Variants in ZKSCAN8 observed in about 807,000 individuals in gnomAD.
ZKSCAN8 encodes zinc finger with KRAB and SCAN domains 8.
In ZKSCAN8, 27 loss-of-function variants were observed where a neutral mutation model predicts 57.2. The ratio of observed to expected loss-of-function variants is 0.47; its 90% CI spans 0.35 to 0.65. The LOEUF (loss-of-function observed/expected upper bound fraction) is 0.65. ZKSCAN8 is among the 30% of genes least tolerant of loss of function. The probability of loss-of-function intolerance (pLI) is 0.01; values close to 1 mark genes in which losing one functional copy is unlikely to be tolerated. For missense variants in ZKSCAN8, 597 were observed against 696.3 expected (o/e 0.86, Z 1.60); for synonymous variants, 214 against 248.7 (o/e 0.86, Z 1.31).
At chr6:28,149,352 A>G in intron 2 of ZKSCAN8, 131 bp from the exon 3 acceptor site, 1 of 1,206,604 alleles carries the variant, frequency 8.3e-7, no homozygotes, top group Non-Finnish European at 1.2e-6. Flanking sequence ...TACTGTCCCT[A>G]AGAAGTGAGG....
In ZKSCAN8 at chr6:28,153,568, GGA is replaced by G. The variant is rs778225113; in HGVS notation, c.1295_1296del (p.Arg432ThrfsTer3). 1 of 1,613,720 alleles carries G rather than the reference GGA, an allele frequency of 6.2e-7. No individual in the cohort carries two copies. On this transcript the variant is annotated frameshift_variant, in exon 6 of 6. Transcript: ENST00000330236. LOFTEE classifies it high-confidence loss of function. ...TATTCTGCACCAGAGAATCCACAGT[GGA>G]GAGAGACCCTATGAATGTAATGAGT... ...GLILHQRIHS[G>X]ERPYECNECG...
chr6:28,145,040 G>T (rs1426517141), intron 1 of ZKSCAN8, among the ~76,000 whole-genome samples: 2 of 152,090 alleles, frequency 1.3e-5, no homozygotes, highest in African/African-American at 2.4e-5. Flanking sequence ...CTGGGCGACA[G>T]AGCAAGACTC....
rs1765416315 is a variant in ZKSCAN8 at position 28,146,906 on chromosome 6, C to G, written c.-92-1410C>G. Among the ~76,000 whole-genome samples, 3 of 152,004 alleles carry G rather than the reference C, an allele frequency of 2.0e-5. No individual in the cohort carries two copies. In the South Asian group the frequency reaches 6.2e-4, roughly 32 times the overall value. On this transcript the variant is annotated intron_variant, in intron 1 of 5. Coordinates refer to ENST00000330236, the MANE Select transcript of ZKSCAN8 (RefSeq NM_006298.4). ...TGAACCTCCATCCATACCTCAAATTCTATATAAAAATTAACTCAAAATGGA... is the reference window on the plus strand; with the variant it reads ...TGAACCTCCATCCATACCTCAAATTGTATATAAAAATTAACTCAAAATGGA...
chr6:28,148,558 C>T lies in ZKSCAN8; in HGVS notation c.151C>T (p.Arg51Cys), dbSNP rs562088137. Residue 51 changes from arginine to cysteine, a missense_variant, in exon 2 of 6, where the codon CGC (arginine) becomes TGC (cysteine). By Grantham distance (180) the Arg-to-Cys change is radical. Coordinates refer to ENST00000330236, the MANE Select transcript of ZKSCAN8 (RefSeq NM_006298.4). The stretch of plus-strand genomic sequence containing the variant: ...TAACCCTCTTGGCCAAGAAGTGTTC[C>T]GCCTGCGCTTCAGGCAGTTACGCTA... ...ESNPLGQEVF[R>C]LRFRQLRYQE... The T allele has an allele frequency of 6.2e-6, 10 of 1,614,066 alleles. No homozygotes were observed. Among genetic ancestry groups the T allele is most frequent in the African/African-American group, 2.7e-5 (2 of 75,008 alleles).
At chr6:28,141,678 C>T (rs1004799648), upstream of ZKSCAN8, among the ~76,000 whole-genome samples, 10 of 152,224 alleles carry the variant, frequency 6.6e-5, no homozygotes, top group Non-Finnish European at 1.0e-4. Flanking sequence ...CACCAAGGTC[C>T]GTTATTCCCC....
At chr6:28,149,958 T>C (rs188440904) in intron 3 of ZKSCAN8, among the ~76,000 whole-genome samples, 2 of 152,290 alleles carry the variant, frequency 1.3e-5, no homozygotes, top group Non-Finnish European at 2.9e-5. Context: ...ACAACATACA[T>C]TTTTGAGGTT....
intron 3 of ZKSCAN8, among the ~76,000 whole-genome samples, chr6:28,151,536 A>T (rs1443408694): frequency 6.6e-6 from 1 of 152,212 alleles, no homozygotes; most frequent in Non-Finnish European, 1.5e-5. Context: ...GAAATACTGT[A>T]TACAGCCACA....
intron 3 of ZKSCAN8, among the ~76,000 whole-genome samples, chr6:28,151,025 C>T (rs1347269902): frequency 6.6e-6 from 1 of 152,038 alleles, no homozygotes; most frequent in African/African-American, 2.4e-5. Flanking sequence ...AGGCTGGTCT[C>T]GAACTCCTAG....
At position 28,154,027 on chromosome 6, in the gene ZKSCAN8, CAGTT is replaced by C. The variant is rs1185717368; in HGVS notation, c.*13_*16del. ...ATCCATAAGCGTTTAGGAACAACAT[CAGTT>C]AGAGTTTGAGCATTATTCAGCATTA... On this transcript the variant is annotated 3_prime_UTR_variant, in exon 6 of 6. Transcript: ENST00000330236. The C allele has an allele frequency of 1.3e-6, 2 of 1,574,590 alleles. No homozygotes were observed. Among genetic ancestry groups the C allele is most frequent in the Non-Finnish European group, 1.7e-6 (2 of 1,163,474 alleles).
chr6:28,148,264 A>T, intron 1 of ZKSCAN8, 52 bp from the exon 2 acceptor site: 1 of 805,322 alleles, frequency 1.2e-6, no homozygotes, highest in Non-Finnish European at 1.9e-6. Flanking sequence ...TACCATAGTT[A>T]GTTACAATGA....
rs767534634 is a variant in ZKSCAN8, at chr6:28,148,456, A to G, written c.49A>G (p.Thr17Ala). The G allele has an allele frequency of 3.1e-6, 5 of 1,613,830 alleles. No individual in the cohort carries two copies. Among genetic ancestry groups the G allele is most frequent in the Admixed American group, 3.3e-5 (2 of 59,980 alleles). The change falls in exon 2 of 6, where the codon ACT (threonine) becomes GCT (alanine). Residue 17 changes from threonine to alanine, a missense_variant. Transcript: ENST00000330236. ...KPSAPSPPDQTPEEDLVIVKV... is the reference protein window; with the variant it reads ...KPSAPSPPDQAPEEDLVIVKV... ...TTCAGCCCCATCCCCACCAGACCAGACTCCTGAAGAGGATCTTGTAATCGT... is the reference window on the plus strand; with the variant it reads ...TTCAGCCCCATCCCCACCAGACCAGGCTCCTGAAGAGGATCTTGTAATCGT...
intron 1 of ZKSCAN8, among the ~76,000 whole-genome samples, chr6:28,146,679 G>A (rs1188735804): frequency 1.3e-5 from 2 of 152,132 alleles, no homozygotes; most frequent in Non-Finnish European, 2.9e-5. Flanking sequence ...GAACAACAAA[G>A]TTGCAAGACC....
Position 28,159,026 on chromosome 6 carries a change from A to C in ZKSCAN8, c.*5009A>C, listed in dbSNP as rs1765875322. 1 of 152,190 alleles carries C rather than the reference A, an allele frequency of 6.6e-6. No individual in the cohort carries two copies. 9.4% of individuals were successfully genotyped at this position (152,190 alleles called of 1,614,324 possible). ...TATTCACCTTGATTCAACAGATTCA[A>C]ACTTCCTACAGCCTTCTACTGATGT... On this transcript the variant is annotated 3_prime_UTR_variant, in exon 6 of 6. Coordinates refer to ENST00000330236, the MANE Select transcript of ZKSCAN8 (RefSeq NM_006298.4).
intron 1 of ZKSCAN8, among the ~76,000 whole-genome samples, chr6:28,143,768 C>T (rs1165275435): frequency 6.6e-6 from 1 of 152,030 alleles, no homozygotes; most frequent in Non-Finnish European, 1.5e-5. Context: ...AAGTTTTTAA[C>T]ATTAAACCAT....
Position 28,155,846 on chromosome 6 carries a change from C to T in ZKSCAN8, c.*1829C>T, listed in dbSNP as rs1581531722. On this transcript the variant is annotated 3_prime_UTR_variant, in exon 6 of 6. Coordinates refer to ENST00000330236, the MANE Select transcript of ZKSCAN8 (RefSeq NM_006298.4). ...ACATCAGAATTATCTACATCAATTT[C>T]ATTGAGCCATTGGTGAATGAAGACA... The T allele has an allele frequency of 3.5e-6, 1 of 285,380 alleles. No individual in the cohort carries two copies. The highest frequency in any genetic ancestry group is 6.5e-6 in the Non-Finnish European group (1 of 154,888). 17.7% of individuals were successfully genotyped at this position (285,380 alleles called of 1,614,324 possible).
In ZKSCAN8 at chr6:28,147,582, T is replaced by C. The variant is rs187048073; in HGVS notation, c.-92-734T>C. ...TTAAAAAACAAAAACAACTCAGATA[T>C]TGTTCAACTGGGAAATGGATAAACA... is the stretch of plus-strand genomic sequence containing the variant. On this transcript the variant is annotated intron_variant, in intron 1 of 5. Coordinates refer to ENST00000330236, the MANE Select transcript of ZKSCAN8 (RefSeq NM_006298.4). 9.8e-5 allele frequency among the ~76,000 whole-genome samples: 15 copies of C among 152,368 alleles called. No homozygotes were observed. In the East Asian group the frequency reaches 2.7e-3, roughly 27 times the overall value.
chr6:28,143,275 TC>T (rs1765276531), intron 1 of ZKSCAN8, among the ~76,000 whole-genome samples: 1 of 152,090 alleles, frequency 6.6e-6, no homozygotes, highest in African/African-American at 2.4e-5. Flanking sequence ...AACCAGCTGA[TC>T]AGAGAGGGAA....
In ZKSCAN8 at chr6:28,148,484, A is replaced by C. The variant is rs755509173; in HGVS notation, c.77A>C (p.Lys26Thr). The C allele has an allele frequency of 5.7e-5, 92 of 1,614,090 alleles. No individual in the cohort carries two copies. Among genetic ancestry groups the C allele is most frequent in the Non-Finnish European group, 7.4e-5 (87 of 1,180,038 alleles). Residue 26 changes from lysine (K) to threonine (T), a missense_variant, in exon 2 of 6, where the codon AAG becomes ACG. Physicochemically the swap from Lys to Thr is moderately conservative, Grantham distance 78. Coordinates refer to ENST00000330236, the MANE Select transcript of ZKSCAN8 (RefSeq NM_006298.4). ...CCTGAAGAGGATCTTGTAATCGTCA[A>C]GGTAGAGGAGGATCATGGTTGGGAC... Reference protein sequence around the residue: ...QTPEEDLVIVKVEEDHGWDQE... With the variant: ...QTPEEDLVIVTVEEDHGWDQE...
intron 3 of ZKSCAN8, among the ~76,000 whole-genome samples, chr6:28,150,618 G>T (rs1765561372): frequency 6.6e-6 from 1 of 152,124 alleles, no homozygotes; most frequent in Non-Finnish European, 1.5e-5. Context: ...GTGTTCATTG[G>T]TACTTCTTGA....
Sources: allele counts gnomAD v4.1 joint callset (sites outside exome capture counted in the v4.1 genomes callset), GRCh38; gene constraint gnomAD v4.1.1; transcripts MANE v1.5; gene names NCBI Gene and HGNC (gene_info 2026-07-23, HGNC 2026-07-21).